The following COL7A1 variants were observed in gnomAD, a reference collection of about 807,000 sequenced individuals.
COL7A1 encodes collagen alpha-1(VII) chain.
Under a neutral mutation model 456.2 loss-of-function variants are expected in COL7A1, and 296 were observed. The ratio of observed to expected loss-of-function variants is 0.65; its 90% CI spans 0.59 to 0.71. COL7A1 has a LOEUF of 0.71. COL7A1 is among the 30% of genes least tolerant of loss of function. The probability of loss-of-function intolerance (pLI) is 0.00; values close to 1 mark genes in which losing one functional copy is unlikely to be tolerated. For missense variants in COL7A1, 3,441 were observed against 4,017.2 expected (o/e 0.86, Z 3.88); for synonymous variants, 1,464 against 1,525.9 (o/e 0.96, Z 0.95).
In COL7A1 at chr3:48,589,342, C is replaced by G. The variant is rs1174662521; in HGVS notation, c.2299G>C (p.Val767Leu). ...VAGVDGPPASVVVRTAPEPVG... is the reference protein window; with the variant it reads ...VAGVDGPPASLVVRTAPEPVG... ...GTCCACTCACCAGTCCTCACAACCA[C>G]AGAGGCAGGGGGCCCATCCACGCCA... Residue 767 changes from valine to leucine, a missense_variant, in exon 18 of 119, where the codon GTG (valine) becomes CTG (leucine). Around this residue, in one of 3 missense-constraint regions of COL7A1, gnomAD observed 913 missense variants for 1,088.2 expected, o/e 0.84. Coordinates refer to ENST00000681320, the MANE Select transcript of COL7A1 (RefSeq NM_000094.4). The G allele has an allele frequency of 5.0e-6, 8 of 1,613,012 alleles. No homozygotes were observed. Among genetic ancestry groups the G allele is most frequent in the Non-Finnish European group, 5.9e-6 (7 of 1,179,982 alleles).
chr3:48,582,617 CCTTGG>C lies in COL7A1; in HGVS notation c.4550_4554del (p.Ala1517GlyfsTer3), dbSNP rs756897026. On this transcript the variant is annotated frameshift_variant, in exon 45 of 119. Coordinates refer to ENST00000681320, the MANE Select transcript of COL7A1 (RefSeq NM_000094.4). LOFTEE classifies it high-confidence loss of function. ...CACAGTCACAGACTCACTTCAGGAC[CCTTGG>C]CTCCAGGACGTCCAGCAACCCCTGG... 1.2e-6 allele frequency: 2 copies of C among 1,613,598 alleles called. No homozygotes were observed. The highest frequency in any genetic ancestry group is 3.3e-5 in the Admixed American group (2 of 60,016).
At position 48,587,466 on chromosome 3, in the gene COL7A1, T is replaced by A; in HGVS notation, c.2946A>T (p.Ala982=). ...GCCGCCAGGATAGGATGTAGCTGGA[T>A]GCCCTGGACACTGGAGTCCAGGCCA... ...VTLAWTPVSR[A]SSYILSWRPL... Residue 982 remains alanine (A), a synonymous_variant, in exon 23 of 119, where the codon GCA becomes GCT. Coordinates refer to ENST00000681320, the MANE Select transcript of COL7A1 (RefSeq NM_000094.4). The surrounding 1 kb of genome is among the most constrained non-coding windows in gnomAD (Gnocchi z 6.1). The A allele has an allele frequency of 6.2e-7, 1 of 1,613,312 alleles. No individual in the cohort carries two copies. The highest frequency in any genetic ancestry group is 8.5e-7 in the Non-Finnish European group (1 of 1,180,036).
Position 48,565,230 on chromosome 3 carries a change from C to T in COL7A1, c.8528-29G>A. Reference sequence around the variant, plus strand: ...CAGGTAGGGCAGGGTGTGCTGGGAGCAGTGGCTGCTGGCCCCGGGGCAAGG... The same window carrying T: ...CAGGTAGGGCAGGGTGTGCTGGGAGTAGTGGCTGCTGGCCCCGGGGCAAGG... On this transcript the variant is annotated intron_variant, in intron 116 of 118. Coordinates refer to ENST00000681320, the MANE Select transcript of COL7A1 (RefSeq NM_000094.4). This position sits in a 1 kb window ranked among gnomAD's most constrained non-coding sequence, Gnocchi z 4.5. The T allele has an allele frequency of 6.2e-7, 1 of 1,602,814 alleles. No homozygotes were observed.
At position 48,585,783 on chromosome 3, in the gene COL7A1, A is replaced by T. The variant is rs1396458651; in HGVS notation, c.3786+47T>A. The T allele has an allele frequency of 6.2e-7, 1 of 1,613,992 alleles. No individual in the cohort carries two copies. The highest frequency in any genetic ancestry group is 2.2e-5 in the East Asian group (1 of 44,870). ...CTGTGCTGCCAACCTCTCCTGCCCC[A>T]CTGACACTCAACCCATTCTCTATTC... On this transcript the variant is annotated intron_variant, in intron 30 of 118. Coordinates refer to ENST00000681320, the MANE Select transcript of COL7A1 (RefSeq NM_000094.4). This position sits in a 1 kb window ranked among gnomAD's most constrained non-coding sequence, Gnocchi z 4.5.
In COL7A1 at chr3:48,566,301, C is replaced by T. The variant is rs775433952; in HGVS notation, c.8373G>A (p.Arg2791=). ...GACTCATCTCTTGGCGCACAAAGCC[C>T]CGGATGTCATCCTCCTGGGAGCAGA... is the stretch of plus-strand genomic sequence containing the variant. ...GEAALTEDDI[R]GFVRQEMSQH... Residue 2791 remains arginine, a synonymous_variant, in exon 114 of 119, where the codon CGG becomes CGA. Coordinates refer to ENST00000681320, the MANE Select transcript of COL7A1 (RefSeq NM_000094.4). The surrounding 1 kb of genome is among the most constrained non-coding windows in gnomAD (Gnocchi z 5.9). The T allele has an allele frequency of 1.9e-6, 3 of 1,604,370 alleles. No individual in the cohort carries two copies. Among genetic ancestry groups the T allele is most frequent in the Middle Eastern group, 1.7e-4 (1 of 6,050 alleles).
Position 48,570,028 on chromosome 3 carries a change from G to A in COL7A1, c.7485+106C>T, listed in dbSNP as rs1421461813. ...CCAGACAAAGGGGACAGGGGTAGAC[G>A]AGGAGGGCCAGAGGGCTAGGGAGGA... On this transcript the variant is annotated intron_variant, in intron 99 of 118. Coordinates refer to ENST00000681320, the MANE Select transcript of COL7A1 (RefSeq NM_000094.4). This position sits in a 1 kb window ranked among gnomAD's most constrained non-coding sequence, Gnocchi z 5.5. 17 of 1,592,384 alleles carry A rather than the reference G, an allele frequency of 1.1e-5. No homozygotes were observed. The highest frequency in any genetic ancestry group is 8.4e-5 in the Admixed American group (5 of 59,778).
At position 48,586,623 on chromosome 3, in the gene COL7A1, C is replaced by G. The variant is rs200235451; in HGVS notation, c.3343G>C (p.Gly1115Arg). The G allele has an allele frequency of 1.1e-4, 179 of 1,613,506 alleles. No homozygotes were observed. The highest frequency in any genetic ancestry group is 1.4e-4 in the Non-Finnish European group (160 of 1,180,020). ...LFPLNGSHDLGIILQRIRDMP... is the reference protein window; with the variant it reads ...LFPLNGSHDLRIILQRIRDMP... Reference sequence around the variant, plus strand: ...TCACGGATCCTTTGCAAGATAATGCCAAGGTCATGGGAGCCATTCAGTGGG... The same window carrying G: ...TCACGGATCCTTTGCAAGATAATGCGAAGGTCATGGGAGCCATTCAGTGGG... Residue 1115 changes from glycine to arginine, a missense_variant, in exon 26 of 119, where the codon GGC becomes CGC. Gly to Arg is a moderately radical substitution (Grantham distance 125, BLOSUM62 -2). Around this residue, in one of 3 missense-constraint regions of COL7A1, gnomAD observed 444 missense variants for 427.6 expected, o/e 1.04. Transcript: ENST00000681320. The surrounding 1 kb of genome is among the most constrained non-coding windows in gnomAD (Gnocchi z 5.1).
In COL7A1 at chr3:48,572,452, T is replaced by C. The variant is rs1560207626; in HGVS notation, c.6937-31A>G. ...AAGGGGGAGAGGTCAGTGGGATTCC[T>C]TGGCCCCCACCAGTTGACCCCCCCT... On this transcript the variant is annotated intron_variant, in intron 89 of 118. Transcript: ENST00000681320. This position sits in a 1 kb window ranked among gnomAD's most constrained non-coding sequence, Gnocchi z 4.6. 6.2e-7 allele frequency: 1 copy of C among 1,613,966 alleles called. No individual in the cohort carries two copies.
chr3:48,585,595 G>A lies in COL7A1; in HGVS notation c.3856C>T (p.Gln1286Ter). Residue 1286 changes from glutamine (Q) to a stop codon, truncating the protein, a stop_gained, in exon 32 of 119, where the codon CAG becomes TAG. Transcript: ENST00000681320. LOFTEE classifies it high-confidence loss of function. The surrounding 1 kb of genome is among the most constrained non-coding windows in gnomAD (Gnocchi z 4.5). ...GCAGTGGCACTTCCAGGGGGCCCCT[G>A]GGGGCCGGGAGCACCGGTCCTGCCC... The part of the protein sequence containing the change: ...LPGRTGAPGP[Q>*]GPPGSATAKG... 1.9e-6 allele frequency: 3 copies of A among 1,613,992 alleles called. No individual in the cohort carries two copies. The highest frequency in any genetic ancestry group is 2.5e-6 in the Non-Finnish European group (3 of 1,180,020).
chr3:48,584,117 C>A lies in COL7A1; in HGVS notation c.4198-56G>T. 4 of 1,613,588 alleles carry A rather than the reference C, an allele frequency of 2.5e-6. No homozygotes were observed. The South Asian group carries it at 4.4e-5, about 18-fold the overall frequency. ...GGGCCACACCTCACTCCCAAAGATA[C>A]CAGGAGTGATGAGGGTCATGGGGTC... On this transcript the variant is annotated intron_variant, in intron 37 of 118. Transcript: ENST00000681320.
rs2043651307 is a variant in COL7A1, at chr3:48,567,324, G to A, written c.8047-134C>T. The stretch of plus-strand genomic sequence containing the variant: ...CCAAGCACCTGTGAGCCAACCAGAT[G>A]TGATCCCCATGACTCCAACTCCACT... On this transcript the variant is annotated intron_variant, in intron 109 of 118. Transcript: ENST00000681320. This position sits in a 1 kb window ranked among gnomAD's most constrained non-coding sequence, Gnocchi z 4.3. 2 of 1,159,602 alleles carry A rather than the reference G, an allele frequency of 1.7e-6. No individual in the cohort carries two copies. Among genetic ancestry groups the A allele is most frequent in the South Asian group, 1.3e-5 (1 of 79,332 alleles). 71.8% of individuals were successfully genotyped at this position (1,159,602 alleles called of 1,614,324 possible). A position where few individuals can be genotyped will look rare whatever the true frequency, so the allele number is the denominator to read the frequency against.
At position 48,586,710 on chromosome 3, in the gene COL7A1, G is replaced by A. The variant is rs756451620; in HGVS notation, c.3277-21C>T. Reference sequence around the variant, plus strand: ...CCAACCTGGGGTGGAAGGAAACACAGAGCCTGAGGAGGATGACAGAGCAGG... The same window carrying A: ...CCAACCTGGGGTGGAAGGAAACACAAAGCCTGAGGAGGATGACAGAGCAGG... On this transcript the variant is annotated intron_variant, in intron 25 of 118. Transcript: ENST00000681320. This position sits in a 1 kb window ranked among gnomAD's most constrained non-coding sequence, Gnocchi z 5.1. The A allele has an allele frequency of 6.4e-6, 10 of 1,563,182 alleles. No homozygotes were observed. The highest frequency in any genetic ancestry group is 7.8e-6 in the Non-Finnish European group (9 of 1,153,154).
In COL7A1 at chr3:48,582,886, C is replaced by T. The variant is rs2044874847; in HGVS notation, c.4518+127G>A. The stretch of plus-strand genomic sequence containing the variant: ...TGGGGCTGAGGGTTAGAGCCTGTAT[C>T]AGCAGGGATAAGTGGTCATTGAGGA... On this transcript the variant is annotated intron_variant, in intron 44 of 118. Coordinates refer to ENST00000681320, the MANE Select transcript of COL7A1 (RefSeq NM_000094.4). 7 of 1,424,218 alleles carry T rather than the reference C, an allele frequency of 4.9e-6. No individual in the cohort carries two copies. The Admixed American group carries it at 1.0e-4, about 21-fold the overall frequency. 88.2% of individuals were successfully genotyped at this position (1,424,218 alleles called of 1,614,324 possible).
At chr3:48,589,878 G>T (rs886867654) in intron 16 of COL7A1, among the ~76,000 whole-genome samples, 160 bp from the exon 17 acceptor site, 1 of 152,166 alleles carries the variant, frequency 6.6e-6, no homozygotes, top group African/African-American at 2.4e-5. Context: ...GTTTTAGGAA[G>T]CAGTGAGCAG....
chr3:48,594,593 C>CACCCGCCT lies in COL7A1; in HGVS notation c.86-53_86-46dup. The CACCCGCCT allele has an allele frequency of 3.3e-6, 5 of 1,536,962 alleles. No individual in the cohort carries two copies. The highest frequency in any genetic ancestry group is 4.4e-6 in the Non-Finnish European group (5 of 1,143,134). On this transcript the variant is annotated intron_variant, in intron 2 of 118. Transcript: ENST00000681320. The surrounding 1 kb of genome is among the most constrained non-coding windows in gnomAD (Gnocchi z 5.5). ...TCAGGGCCTCTTCTGGGAGGCCAACCACCCGCCTACCCGCACGGTGGCCTC... is the reference window on the plus strand; with the variant it reads ...TCAGGGCCTCTTCTGGGAGGCCAACCACCCGCCTACCCGCCTACCCGCACGGTGGCCTC...
Position 48,573,739 on chromosome 3 carries a change from A to G in COL7A1, c.6538-14T>C, listed in dbSNP as rs2044090946. The G allele has an allele frequency of 1.2e-6, 2 of 1,613,800 alleles. No individual in the cohort carries two copies. Among genetic ancestry groups the G allele is most frequent in the Non-Finnish European group, 1.7e-6 (2 of 1,179,868 alleles). ...TCCATGACCACCCTGTTGTGGCGAA[A>G]AAGAGTCTGATGAGGGGGAGTTAGC... On this transcript the variant is annotated splice_polypyrimidine_tract_variant and intron_variant, in intron 81 of 118. Coordinates refer to ENST00000681320, the MANE Select transcript of COL7A1 (RefSeq NM_000094.4). This position sits in a 1 kb window ranked among gnomAD's most constrained non-coding sequence, Gnocchi z 5.5.
rs1286197536 is a variant in COL7A1 at position 48,592,794 on chromosome 3, A to G, written c.827T>C (p.Leu276Pro). The G allele has an allele frequency of 9.3e-6, 15 of 1,613,870 alleles. No individual in the cohort carries two copies. Among genetic ancestry groups the G allele is most frequent in the Non-Finnish European group, 1.3e-5 (15 of 1,180,036 alleles). ...YTPLTGLGQPLPSERQEVNVP... is the reference protein window; with the variant it reads ...YTPLTGLGQPPPSERQEVNVP... Reference sequence around the variant, plus strand: ...TCCTACCTCCTGCCGCTCACTCGGCAGTGGCTGTCCCAGCCCCGTCAGAGG... The same window carrying G: ...TCCTACCTCCTGCCGCTCACTCGGCGGTGGCTGTCCCAGCCCCGTCAGAGG... The change falls in exon 7 of 119, where the codon CTG (leucine) becomes CCG (proline). Residue 276 changes from leucine to proline, a missense_variant. Physicochemically the swap from Leu to Pro is moderately conservative, Grantham distance 98. Around this residue, in one of 3 missense-constraint regions of COL7A1, gnomAD observed 913 missense variants for 1,088.2 expected, o/e 0.84. Coordinates refer to ENST00000681320, the MANE Select transcript of COL7A1 (RefSeq NM_000094.4). This position sits in a 1 kb window ranked among gnomAD's most constrained non-coding sequence, Gnocchi z 7.6.
rs2044240132 is a variant in COL7A1 at position 48,575,568 on chromosome 3, G to A, written c.5980-29C>T. ...CAGGAGTGGAAGAGAGAATGCTGGT[G>A]GCTGTACAGCTACACCCCACTCCAC... On this transcript the variant is annotated intron_variant, in intron 73 of 118. Coordinates refer to ENST00000681320, the MANE Select transcript of COL7A1 (RefSeq NM_000094.4). This position sits in a 1 kb window ranked among gnomAD's most constrained non-coding sequence, Gnocchi z 6.3. 2 of 1,612,480 alleles carry A rather than the reference G, an allele frequency of 1.2e-6. No individual in the cohort carries two copies. The highest frequency in any genetic ancestry group is 1.7e-6 in the Non-Finnish European group (2 of 1,180,012).
Position 48,587,759 on chromosome 3 carries a change from A to C in COL7A1, c.2857+34T>G. The C allele has an allele frequency of 6.2e-7, 1 of 1,613,414 alleles. No homozygotes were observed. The highest frequency in any genetic ancestry group is 8.5e-7 in the Non-Finnish European group (1 of 1,179,968). On this transcript the variant is annotated intron_variant, in intron 22 of 118. Transcript: ENST00000681320. This position sits in a 1 kb window ranked among gnomAD's most constrained non-coding sequence, Gnocchi z 6.1. ...CAGGAAGTCAGGGTGGGTCATCAGC[A>C]GGGGAGGAGCACGCCAAGGTGAGGC...
Sources: gnomAD v4.1 joint callset for allele counts (sites outside exome capture counted in the v4.1 genomes callset) on GRCh38, gnomAD v4.1.1 for gene constraint, gnomAD v4.1.1 regional missense constraint, Gnocchi (gnomAD v3.1) non-coding constraint, MANE v1.5 for transcripts, NCBI Gene and HGNC (gene_info 2026-07-23, HGNC 2026-07-21) for gene names.